Variants in ACSM3 observed in about 807,000 individuals in gnomAD.
ACSM3 encodes the protein acyl-coenzyme A synthetase ACSM3, mitochondrial.
Under a neutral mutation model 74.1 loss-of-function variants are expected in ACSM3, and 61 were observed. That is an observed-to-expected ratio of 0.82 (90% CI 0.67 to 1.02). ACSM3 has a LOEUF of 1.02. Ranked by LOEUF, ACSM3 falls within the 50% of genes least tolerant of loss-of-function variation. The pLI, the probability that ACSM3 is intolerant of heterozygous loss-of-function variation, is 0.00. For synonymous variants in ACSM3, 213 were observed against 241.5 expected (o/e 0.88, Z 1.09); for missense variants, 660 against 697.0 (o/e 0.95, Z 0.60).
At chr16:20,725,157 C>G (rs2079800313) in intron 1 of ACSM3, among the ~76,000 whole-genome samples, 1 of 152,218 alleles carries the variant, frequency 6.6e-6, no homozygotes, top group South Asian at 2.1e-4. Flanking sequence ...GTAACCAAAA[C>G]AGCATGGTAC....
chr16:20,714,577 C>A, intron 1 of ACSM3, among the ~76,000 whole-genome samples: 1 of 151,952 alleles, frequency 6.6e-6, no homozygotes, highest in African/African-American at 2.4e-5. Context: ...GGGAAAGCAG[C>A]AAACTAAAGA....
chr16:20,729,223 T>A, intron 1 of ACSM3: 1 of 836,794 alleles, frequency 1.2e-6, no homozygotes, highest in South Asian at 1.4e-5. Flanking sequence ...TCATCTTTGA[T>A]TCCTAGGACA....
upstream of ACSM3, among the ~76,000 whole-genome samples, chr16:20,761,875 C>A (rs1391013724): frequency 6.6e-6 from 1 of 152,142 alleles, no homozygotes. Context: ...AAGGGAAAAA[C>A]GCCTCAAATG....
At chr16:20,746,095 C>G (rs2079956476) in intron 1 of ACSM3, among the ~76,000 whole-genome samples, 1 of 152,160 alleles carries the variant, frequency 6.6e-6, no homozygotes, top group South Asian at 2.1e-4. Flanking sequence ...GTAAGTTACC[C>G]AAGCCAAGGT....
chr16:20,685,853 AC>A (rs2079545361), intron 1 of ACSM3, among the ~76,000 whole-genome samples: 14 of 147,112 alleles, frequency 9.5e-5, no homozygotes, highest in South Asian at 4.4e-4. Context: ...AAAACAAAAA[AC>A]TTATAGCATC....
rs1212836929 is a variant in ACSM3 at position 20,790,537 on chromosome 16, G to A, written c.1225-50G>A. ...AACTTGCAAAGTTAATATTTAAGCT[G>A]CGACATTAAACAAAAATTTCCTTAA... is the stretch of plus-strand genomic sequence containing the variant. On this transcript the variant is annotated intron_variant, in intron 9 of 13. Coordinates refer to ENST00000289416, the MANE Select transcript of ACSM3 (RefSeq NM_005622.4). The surrounding 1 kb of genome is among the most constrained non-coding windows in gnomAD (Gnocchi z 4.0). 1.6e-5 allele frequency: 24 copies of A among 1,522,662 alleles called. No homozygotes were observed. The highest frequency in any genetic ancestry group is 1.8e-5 in the Non-Finnish European group (20 of 1,106,408). The allele number at this position is 1,522,662 out of a possible 1,614,324, so 94.3% of individuals were successfully genotyped here.
At chr16:20,685,855 T>A (rs1182859299) in intron 1 of ACSM3, among the ~76,000 whole-genome samples, 277 of 104,842 alleles carry the variant, frequency 2.6e-3, no homozygotes, top group Non-Finnish European at 4.7e-3. Context: ...AACAAAAAAC[T>A]TATAGCATCA....
intron 1 of ACSM3, among the ~76,000 whole-genome samples, chr16:20,717,841 AAGG>A (rs939046438): frequency 8.0e-5 from 12 of 149,834 alleles, no homozygotes; most frequent in Non-Finnish European, 1.6e-4. Flanking sequence ...AAGGAAGAAG[AAGG>A]AGGAGGAAGA....
upstream of ACSM3, among the ~76,000 whole-genome samples, chr16:20,761,117 C>T (rs951750698): frequency 3.3e-5 from 5 of 151,174 alleles, no homozygotes; most frequent in African/African-American, 4.9e-5. Flanking sequence ...TTTTTTGAGA[C>T]GGAGTCTCAC....
chr16:20,752,986 A>T (rs532611422), intron 2 of ACSM3, among the ~76,000 whole-genome samples: 52 of 152,328 alleles, frequency 3.4e-4, no homozygotes, highest in African/African-American at 1.3e-3. Context: ...TAGCAAAATC[A>T]ACACTGAATT....
chr16:20,681,268 A>G (rs1168240168), intron 1 of ACSM3: 1 of 152,258 alleles, frequency 6.6e-6, no homozygotes, highest in Admixed American at 6.5e-5. Flanking sequence ...ATAGATTGGC[A>G]TTAGATTATC....
At chr16:20,705,636 C>G (rs1279854376) in intron 1 of ACSM3, among the ~76,000 whole-genome samples, 1 of 152,126 alleles carries the variant, frequency 6.6e-6, no homozygotes, top group African/African-American at 2.4e-5. Flanking sequence ...TCCAGATTCT[C>G]TACCAAAATC....
rs1443235077 is a variant in ACSM3 at position 20,770,107 on chromosome 16, G to A, written c.73G>A (p.Val25Met). ...TCAGCGCCTAGCAATTTTTGGTTCT[G>A]TGAGGGCACTGCATAAAGATAATAG... ...CFQRLAIFGSVRALHKDNRTA... is the reference protein window; with the variant it reads ...CFQRLAIFGSMRALHKDNRTA... The change falls in exon 2 of 14, where the codon GTG becomes ATG. Residue 25 changes from valine (V) to methionine (M), a missense_variant. Coordinates refer to ENST00000289416, the MANE Select transcript of ACSM3 (RefSeq NM_005622.4). The A allele has an allele frequency of 1.2e-6, 2 of 1,614,158 alleles. No individual in the cohort carries two copies. Among genetic ancestry groups the A allele is most frequent in the East Asian group, 2.2e-5 (1 of 44,884 alleles).
At chr16:20,785,140 T>G in intron 8 of ACSM3, 33 bp downstream of exon 8, 1 of 1,610,234 alleles carries the variant, frequency 6.2e-7, no homozygotes, top group Non-Finnish European at 8.5e-7. Flanking sequence ...CATAGCTGGA[T>G]TCCATTTAGT....
At chr16:20,765,896 ACT>A (rs1363317898) in intron 1 of ACSM3, among the ~76,000 whole-genome samples, 1 of 151,598 alleles carries the variant, frequency 6.6e-6, no homozygotes, top group Admixed American at 6.6e-5. Flanking sequence ...TTCTCCCATT[ACT>A]CTCTTTGTTT....
intron 1 of ACSM3, chr16:20,735,237 G>C (rs1434101645): frequency 6.6e-6 from 1 of 152,162 alleles, no homozygotes; most frequent in East Asian, 1.9e-4. Flanking sequence ...AGCAAAAGCT[G>C]GCTGTTTTAT....
chr16:20,778,815 A>G (rs1020369927), intron 4 of ACSM3, among the ~76,000 whole-genome samples: 1 of 152,044 alleles, frequency 6.6e-6, no homozygotes, highest in African/African-American at 2.4e-5. Flanking sequence ...TAGTGGCGCA[A>G]TCTCGGCTCA....
At chr16:20,750,225 T>G (rs1596498175) in intron 2 of ACSM3, among the ~76,000 whole-genome samples, 1 of 152,224 alleles carries the variant, frequency 6.6e-6, no homozygotes, top group Admixed American at 6.5e-5. Flanking sequence ...TTATTTTATA[T>G]CAATCTGTAT....
At chr16:20,699,164 A>G (rs1447537309) in intron 1 of ACSM3, among the ~76,000 whole-genome samples, 2 of 152,188 alleles carry the variant, frequency 1.3e-5, no homozygotes, top group African/African-American at 4.8e-5. Flanking sequence ...GCATGGGATC[A>G]TTGAAAGGAT....
Sources: gnomAD v4.1 joint callset for allele counts (sites outside exome capture counted in the v4.1 genomes callset) on GRCh38, gnomAD v4.1.1 for gene constraint, Gnocchi (gnomAD v3.1) non-coding constraint, MANE v1.5 for transcripts, NCBI Gene and HGNC (gene_info 2026-07-23, HGNC 2026-07-21) for gene names.